RAB3D: variants seen among roughly 807,000 people sequenced by gnomAD.
RAB3D encodes ras-related protein Rab-3D.
Under a neutral mutation model 19.3 loss-of-function variants are expected in RAB3D, and 17 were observed. The ratio of observed to expected loss-of-function variants is 0.88; its 90% CI spans 0.60 to 1.32. The LOEUF (loss-of-function observed/expected upper bound fraction) is 1.32. RAB3D is among the 40% of genes most tolerant of loss of function. The pLI is 0.00. For missense variants in RAB3D, 223 were observed against 299.1 expected, an observed-to-expected ratio of 0.75 and a Z score of 1.88; for synonymous variants, 103 against 119.9, an observed-to-expected ratio of 0.86 and a Z score of 0.92.
chr19:11,326,699 G>A, intron 4 of RAB3D: 1 of 667,844 alleles, frequency 1.5e-6, no homozygotes, highest in Admixed American at 2.1e-5. Flanking sequence ...AACCTCCTGG[G>A]CTCAAGCGAT....
rs71164187 is a variant in RAB3D at position 11,328,333 on chromosome 19, CAAAAAA to C, written c.473-2754_473-2749del. 2.8e-3 allele frequency among the ~76,000 whole-genome samples: 160 copies of C among 57,832 alleles called. 1 individual carries two copies. Among genetic ancestry groups the C allele is most frequent in the African/African-American group, 9.0e-3 (139 of 15,418 alleles). The allele number at this position is 57,832 out of a possible 152,430, so 37.9% of individuals were successfully genotyped here. ...TGGGTGACAGAACAAGATATTATCT[CAAAAAA>C]AAAAAAAAAAAAAAGAAGAAGGTTG... On this transcript the variant is annotated intron_variant, in intron 4 of 4. Transcript: ENST00000222120.
chr19:11,339,627 A>G lies in RAB3D; in HGVS notation c.-220T>C, dbSNP rs1966931738. On this transcript the variant is annotated 5_prime_UTR_variant, in exon 1 of 5. Coordinates refer to ENST00000222120, the MANE Select transcript of RAB3D (RefSeq NM_004283.4). ...CCGCAGAAGCCAGCAGCCTGCAGCC[A>G]CCCGGATCCCGCGCGGGCTCCGCCC... 1.3e-5 allele frequency: 2 copies of G among 152,286 alleles called. No individual in the cohort carries two copies. The highest frequency in any genetic ancestry group is 4.8e-5 in the African/African-American group (2 of 41,510). 9.4% of individuals were successfully genotyped at this position (152,286 alleles called of 1,614,324 possible).
At chr19:11,333,000 A>T (rs1409283799) in intron 4 of RAB3D, among the ~76,000 whole-genome samples, 2 of 152,168 alleles carry the variant, frequency 1.3e-5, no homozygotes, top group Non-Finnish European at 2.9e-5. Flanking sequence ...ACAGAGGAAA[A>T]GGTTAAGGAA....
At chr19:11,335,423 C>T in intron 4 of RAB3D, 24 bp downstream of exon 4, 1 of 1,613,268 alleles carries the variant, frequency 6.2e-7, no homozygotes, top group Non-Finnish European at 8.5e-7. Flanking sequence ...AGACCAGGGC[C>T]TGTGGCCCAG....
At chr19:11,329,083 G>A (rs7249270) in intron 4 of RAB3D, among the ~76,000 whole-genome samples, 38,584 of 151,404 alleles carry the variant, frequency 0.25, 9,698 homozygotes, top group African/African-American at 0.66. Flanking sequence ...ACACACAGCC[G>A]ATTTTTGGTA....
rs542083310 is a variant in RAB3D, at chr19:11,325,312, G to A, written c.*86C>T. On this transcript the variant is annotated 3_prime_UTR_variant, in exon 5 of 5. Coordinates refer to ENST00000222120, the MANE Select transcript of RAB3D (RefSeq NM_004283.4). Reference sequence around the variant, plus strand: ...GACAGGAGGGAAGGGATTGCCCTGAGCTTGGAGATAACCACTGTGGCTCAC... The same window carrying A: ...GACAGGAGGGAAGGGATTGCCCTGAACTTGGAGATAACCACTGTGGCTCAC... 7 of 846,168 alleles carry A rather than the reference G, an allele frequency of 8.3e-6. No individual in the cohort carries two copies. The South Asian group carries it at 1.2e-4, about 14-fold the overall frequency. The allele number at this position is 846,168 out of a possible 1,614,324, so 52.4% of individuals were successfully genotyped here. A position where few individuals can be genotyped will look rare whatever the true frequency, so the allele number is the denominator to read the frequency against.
intron 4 of RAB3D, among the ~76,000 whole-genome samples, chr19:11,332,525 T>A (rs987265421): frequency 2.0e-5 from 3 of 152,192 alleles, no homozygotes; most frequent in African/African-American, 7.2e-5. Flanking sequence ...TTGCATTTTT[T>A]TGTAGAGACA....
At chr19:11,331,292 T>C (rs2080834974) in intron 4 of RAB3D, among the ~76,000 whole-genome samples, 1 of 151,830 alleles carries the variant, frequency 6.6e-6, no homozygotes, top group Admixed American at 6.6e-5. Flanking sequence ...CAAGACTCCG[T>C]GTAAAAAAAA....
At chr19:11,333,600 C>G (rs1239417429) in intron 4 of RAB3D, among the ~76,000 whole-genome samples, 1 of 151,988 alleles carries the variant, frequency 6.6e-6, no homozygotes, top group Non-Finnish European at 1.5e-5. Context: ...CTTCCTGTGC[C>G]TTCTGAATTT....
chr19:11,338,674 G>T (rs1014951653), intron 1 of RAB3D, among the ~76,000 whole-genome samples: 1 of 152,100 alleles, frequency 6.6e-6, no homozygotes, highest in Non-Finnish European at 1.5e-5. Flanking sequence ...CCCAGTCCAC[G>T]GAGGCAGGAG....
chr19:11,325,621 C>T (rs756624886), intron 4 of RAB3D, 36 bp from the exon 5 acceptor site: 1 of 1,425,260 alleles, frequency 7.0e-7, no homozygotes, highest in South Asian at 1.2e-5. Flanking sequence ...CTCGTAAGAC[C>T]CCTGAGGGCA....
chr19:11,324,427 G>C lies in RAB3D; in HGVS notation c.*971C>G, dbSNP rs191030620. 11 of 152,412 alleles carry C rather than the reference G, an allele frequency of 7.2e-5. No homozygotes were observed. The highest frequency in any genetic ancestry group is 2.6e-4 in the African/African-American group (11 of 41,562). 9.4% of individuals were successfully genotyped at this position (152,412 alleles called of 1,614,324 possible). A position where few individuals can be genotyped will look rare whatever the true frequency, so the allele number is the denominator to read the frequency against. ...TCGCCGACAACTGCCTGCGGTGGCT[G>C]GGAACGTTGCTTCATTTCCTTTTCT... On this transcript the variant is annotated 3_prime_UTR_variant, in exon 5 of 5. Transcript: ENST00000222120.
At chr19:11,337,104 AAAG>A (rs1395731492) in intron 2 of RAB3D, 65 bp downstream of exon 2, 20 of 1,379,934 alleles carry the variant, frequency 1.4e-5, no homozygotes, top group South Asian at 2.5e-5. Flanking sequence ...AAAAAAAAAA[AAAG>A]AACCCTCCAA....
chr19:11,329,728 CT>C (rs1418397637), intron 4 of RAB3D, among the ~76,000 whole-genome samples: 1 of 152,092 alleles, frequency 6.6e-6, no homozygotes, highest in East Asian at 1.9e-4. Flanking sequence ...ATCACCCAGG[CT>C]GGAACGCAAT....
chr19:11,328,141 CT>C (rs2080822180), intron 4 of RAB3D, among the ~76,000 whole-genome samples: 1 of 151,302 alleles, frequency 6.6e-6, no homozygotes, highest in African/African-American at 2.4e-5. Flanking sequence ...TGAGACCAGC[CT>C]GGCCAACATG....
At chr19:11,325,613 C>T (rs759980163) in intron 4 of RAB3D, 28 bp from the exon 5 acceptor site, 12 of 1,449,412 alleles carry the variant, frequency 8.3e-6, no homozygotes, top group South Asian at 5.8e-5. Context: ...TGGGGACACT[C>T]GTAAGACCCC....
At chr19:11,336,572 G>C (rs908400723) in intron 2 of RAB3D, among the ~76,000 whole-genome samples, 1 of 151,990 alleles carries the variant, frequency 6.6e-6, no homozygotes, top group Non-Finnish European at 1.5e-5. Context: ...GCCTCCCAAA[G>C]TGTTGGGATT....
At chr19:11,330,545 C>G (rs1174486824) in intron 4 of RAB3D, among the ~76,000 whole-genome samples, 1 of 151,978 alleles carries the variant, frequency 6.6e-6, no homozygotes. Flanking sequence ...CAAGACCTAT[C>G]TCTTAAAATT....
At chr19:11,337,119 G>T in intron 2 of RAB3D, 53 bp downstream of exon 2, 4 of 1,420,106 alleles carry the variant, frequency 2.8e-6, no homozygotes, top group South Asian at 1.2e-5. Flanking sequence ...ACCCTCCAAT[G>T]AACTTTCCTG....
Sources: allele counts gnomAD v4.1 joint callset (sites outside exome capture counted in the v4.1 genomes callset), GRCh38; gene constraint gnomAD v4.1.1; transcripts MANE v1.5; gene names NCBI Gene and HGNC (gene_info 2026-07-23, HGNC 2026-07-21).